ANKRD61: variants seen among roughly 807,000 people sequenced by gnomAD.
The protein encoded by ANKRD61 is ankyrin repeat domain 61, also known as ankyrin repeat domain-containing protein 61.
Under a neutral mutation model 8.4 loss-of-function variants are expected in ANKRD61, and 7 were observed. The ratio of observed to expected loss-of-function variants is 0.84; its 90% CI spans 0.48 to 1.57. The LOEUF is 1.57. Ranked by LOEUF, ANKRD61 falls within the 40% of genes most tolerant of loss-of-function variation. The pLI is 0.00. For synonymous variants in ANKRD61, 198 were observed against 208.0 expected, an observed-to-expected ratio of 0.95 and a Z score of 0.41; for missense variants, 516 against 523.4, an observed-to-expected ratio of 0.99 and a Z score of 0.14.
At position 6,035,787 on chromosome 7, in the gene ANKRD61, C is replaced by T. The variant is rs1465337743; in HGVS notation, c.658C>T (p.Leu220Phe). ...GCTGAATAAGGAGATGATGGAAACG[C>T]TCATTGCCTATGGAGCAAACGTCAA... Reference protein sequence around the residue: ...NMLNKEMMETLIAYGANVNCA... With the variant: ...NMLNKEMMETFIAYGANVNCA... Residue 220 changes from leucine (L) to phenylalanine (F), a missense_variant, in exon 3 of 3, where the codon CTC becomes TTC. Transcript: ENST00000409061. The surrounding 1 kb of genome is among the most constrained non-coding windows in gnomAD (Gnocchi z 5.5). 6.4e-7 allele frequency: 1 copy of T among 1,551,108 alleles called. No individual in the cohort carries two copies. Among genetic ancestry groups the T allele is most frequent in the Non-Finnish European group, 8.7e-7 (1 of 1,147,100 alleles).
intron 1 of ANKRD61, 140 bp downstream of exon 1, chr7:6,031,731 C>T: frequency 1.2e-6 from 1 of 818,598 alleles, no homozygotes; most frequent in South Asian, 1.7e-5. Flanking sequence ...ACACACACTG[C>T]AGTGCTCCCC....
rs1251829339 is a variant in ANKRD61 at position 6,036,147 on chromosome 7, C to T, written c.1018C>T (p.Pro340Ser). 2.6e-6 allele frequency: 4 copies of T among 1,550,196 alleles called. No homozygotes were observed. The highest frequency in any genetic ancestry group is 3.5e-6 in the Non-Finnish European group (4 of 1,146,840). Residue 340 changes from proline to serine, a missense_variant, in exon 3 of 3, where the codon CCT becomes TCT. Transcript: ENST00000409061. The surrounding 1 kb of genome is among the most constrained non-coding windows in gnomAD (Gnocchi z 4.6). ...LLARLLYHTYPLRMTNNQGIL... is the reference protein window; with the variant it reads ...LLARLLYHTYSLRMTNNQGIL... ...GGCCAGGCTACTTTATCACACTTATCCTCTGAGAATGACCAATAACCAAGG... is the reference window on the plus strand; with the variant it reads ...GGCCAGGCTACTTTATCACACTTATTCTCTGAGAATGACCAATAACCAAGG...
intron 2 of ANKRD61, among the ~76,000 whole-genome samples, chr7:6,034,561 T>G (rs1788020781): frequency 6.6e-6 from 1 of 152,152 alleles, no homozygotes; most frequent in South Asian, 2.1e-4. Flanking sequence ...TTCCACTATT[T>G]ACTGAGCTGT....
At chr7:6,031,686 C>A in intron 1 of ANKRD61, 95 bp downstream of exon 1, 1 of 1,278,324 alleles carries the variant, frequency 7.8e-7, no homozygotes, top group Non-Finnish European at 1.1e-6. Flanking sequence ...AGCTCACGGC[C>A]CTTATGAGAA....
chr7:6,036,430 C>A lies in ANKRD61; in HGVS notation c.*44C>A. ...CACAGCAGAGGGACTTTCAGCCACT[C>A]AAACTGCATTTTCTGGCTAGACATG... On this transcript the variant is annotated 3_prime_UTR_variant, in exon 3 of 3. Coordinates refer to ENST00000409061, the MANE Select transcript of ANKRD61 (RefSeq NM_001271700.2). The surrounding 1 kb of genome is among the most constrained non-coding windows in gnomAD (Gnocchi z 4.6). 7.3e-7 allele frequency: 1 copy of A among 1,374,956 alleles called. No individual in the cohort carries two copies. The highest frequency in any genetic ancestry group is 1.6e-5 in the South Asian group (1 of 62,132). 85.2% of individuals were successfully genotyped at this position (1,374,956 alleles called of 1,614,324 possible).
At chr7:6,031,664 G>T in intron 1 of ANKRD61, 73 bp downstream of exon 1, 1 of 1,447,036 alleles carries the variant, frequency 6.9e-7, no homozygotes. Flanking sequence ...TCTAAAGCTG[G>T]TGAACCCACT....
In ANKRD61 at chr7:6,035,708, T is replaced by C. The variant is rs1182834722; in HGVS notation, c.579T>C (p.Asp193=). 1.1e-5 allele frequency: 17 copies of C among 1,550,872 alleles called. No homozygotes were observed. The highest frequency in any genetic ancestry group is 7.3e-5 in the East Asian group (3 of 40,928). Residue 193 remains aspartate, a synonymous_variant, in exon 3 of 3, where the codon GAT becomes GAC. Coordinates refer to ENST00000409061, the MANE Select transcript of ANKRD61 (RefSeq NM_001271700.2). This position sits in a 1 kb window ranked among gnomAD's most constrained non-coding sequence, Gnocchi z 5.5. ...CCATTTTGACCCAAAATGGTGCCGA[T>C]GTCAATGCTATTAATGAAGCCAGCA... ...VLSILTQNGA[D]VNAINEASMT... is the part of the protein sequence containing the mutation.
rs1415567297 is a variant in ANKRD61, at chr7:6,032,901, C to A, written c.279C>A (p.Leu93=). 1.3e-6 allele frequency: 2 copies of A among 1,550,870 alleles called. No individual in the cohort carries two copies. Among genetic ancestry groups the A allele is most frequent in the Non-Finnish European group, 1.7e-6 (2 of 1,147,018 alleles). Residue 93 remains leucine, a synonymous_variant, in exon 2 of 3, where the codon CTC becomes CTA. Coordinates refer to ENST00000409061, the MANE Select transcript of ANKRD61 (RefSeq NM_001271700.2). This position sits in a 1 kb window ranked among gnomAD's most constrained non-coding sequence, Gnocchi z 4.3. The stretch of plus-strand genomic sequence containing the variant: ...AGTACCACAAGGCCCAGAGTCTGCT[C>A]TGCCTGTTACGGCACGGTGCTGACC... ...AAKYHKAQSL[L]CLLRHGADPE...
In ANKRD61 at chr7:6,034,933, C is replaced by G. The variant is rs192852791; in HGVS notation, c.315-511C>G. ...AAAATGTCGGGTAGGAGAGCAGAGA[C>G]AGAGCCTCTAAGAAAGGAGTCAACG... On this transcript the variant is annotated intron_variant, in intron 2 of 2. Coordinates refer to ENST00000409061, the MANE Select transcript of ANKRD61 (RefSeq NM_001271700.2). Among the ~76,000 whole-genome samples the G allele has an allele frequency of 1.1e-3, 160 of 152,252 alleles. 1 individual carries two copies. The highest frequency in any genetic ancestry group is 1.7e-3 in the Non-Finnish European group (119 of 68,024).
Position 6,035,542 on chromosome 7 carries a change from T to C in ANKRD61, c.413T>C (p.Leu138Pro). 6.4e-7 allele frequency: 1 copy of C among 1,551,206 alleles called. No homozygotes were observed. Among genetic ancestry groups the C allele is most frequent in the Non-Finnish European group, 8.7e-7 (1 of 1,147,128 alleles). The change falls in exon 3 of 3, where the codon CTG becomes CCG. Residue 138 changes from leucine (L) to proline (P), a missense_variant. Physicochemically the swap from Leu to Pro is moderately conservative, Grantham distance 98 (BLOSUM62 -3). Transcript: ENST00000409061. The surrounding 1 kb of genome is among the most constrained non-coding windows in gnomAD (Gnocchi z 5.5). ...CCAGGCAACAGAACGCACAGGATCC[T>C]GACAGACATTCAGAATAGCAGCATC... ...AKPGNRTHRI[L>P]TDIQNSSITC...
Position 6,035,798 on chromosome 7 carries a change from T to G in ANKRD61, c.669T>G (p.Tyr223Ter). ...NKEMMETLIAYGANVNCAVSS... is the reference protein window; with the variant it reads ...NKEMMETLIA ...AGATGATGGAAACGCTCATTGCCTA[T>G]GGAGCAAACGTCAACTGTGCTGTCT... Residue 223 changes from tyrosine to a stop codon, truncating the protein, a stop_gained, in exon 3 of 3, where the codon TAT becomes TAG. Coordinates refer to ENST00000409061, the MANE Select transcript of ANKRD61 (RefSeq NM_001271700.2). LOFTEE classifies it low-confidence loss of function (END_TRUNC). The surrounding 1 kb of genome is among the most constrained non-coding windows in gnomAD (Gnocchi z 5.5). 1 of 1,550,982 alleles carries G rather than the reference T, an allele frequency of 6.4e-7. No homozygotes were observed. Among genetic ancestry groups the G allele is most frequent in the South Asian group, 1.2e-5 (1 of 84,038 alleles).
Position 6,032,767 on chromosome 7 carries a change from C to A in ANKRD61, c.217-72C>A. ...CTAAATAAATGTATTGCCTTTGAAA[C>A]GGCAAGCTAACACAAACAGTATTTT... On this transcript the variant is annotated intron_variant, in intron 1 of 2. Transcript: ENST00000409061. This position sits in a 1 kb window ranked among gnomAD's most constrained non-coding sequence, Gnocchi z 4.3. 2 of 1,278,554 alleles carry A rather than the reference C, an allele frequency of 1.6e-6. No homozygotes were observed. Among genetic ancestry groups the A allele is most frequent in the South Asian group, 2.6e-5 (2 of 75,698 alleles). The allele number at this position is 1,278,554 out of a possible 1,614,324, so 79.2% of individuals were successfully genotyped here.
At position 6,032,776 on chromosome 7, in the gene ANKRD61, A is replaced by G. The variant is rs1049134033; in HGVS notation, c.217-63A>G. 4 of 1,369,552 alleles carry G rather than the reference A, an allele frequency of 2.9e-6. No homozygotes were observed. Among genetic ancestry groups the G allele is most frequent in the Non-Finnish European group, 4.1e-6 (4 of 987,370 alleles). The allele number at this position is 1,369,552 out of a possible 1,614,324, so 84.8% of individuals were successfully genotyped here. ...TGTATTGCCTTTGAAACGGCAAGCTAACACAAACAGTATTTTTAACTACAC... is the reference window on the plus strand; with the variant it reads ...TGTATTGCCTTTGAAACGGCAAGCTGACACAAACAGTATTTTTAACTACAC... On this transcript the variant is annotated intron_variant, in intron 1 of 2. Transcript: ENST00000409061. This position sits in a 1 kb window ranked among gnomAD's most constrained non-coding sequence, Gnocchi z 4.3.
In ANKRD61 at chr7:6,033,728, C is replaced by T. The variant is rs1159287020; in HGVS notation, c.314+792C>T. On this transcript the variant is annotated intron_variant, in intron 2 of 2. Transcript: ENST00000409061. This position sits in a 1 kb window ranked among gnomAD's most constrained non-coding sequence, Gnocchi z 4.4. ...GGGACTACAGGCGCCTGCCACCACG[C>T]CTGGCTAATTTTTTGTATTTTTAGT... is the stretch of plus-strand genomic sequence containing the variant. Among the ~76,000 whole-genome samples, 2 of 152,018 alleles carry T rather than the reference C, an allele frequency of 1.3e-5. No homozygotes were observed. Among genetic ancestry groups the T allele is most frequent in the Non-Finnish European group, 2.9e-5 (2 of 68,006 alleles).
rs544541228 is a variant in ANKRD61, at chr7:6,035,864, T to C, written c.735T>C (p.Thr245=). 1.3e-5 allele frequency: 20 copies of C among 1,547,716 alleles called. No homozygotes were observed. The highest frequency in any genetic ancestry group is 6.1e-6 in the Non-Finnish European group (7 of 1,145,004). Residue 245 remains threonine (T), a synonymous_variant, in exon 3 of 3, where the codon ACT becomes ACC. Coordinates refer to ENST00000409061, the MANE Select transcript of ANKRD61 (RefSeq NM_001271700.2). This position sits in a 1 kb window ranked among gnomAD's most constrained non-coding sequence, Gnocchi z 5.5. ...CGCCCCTGAAGCTTGCAGTGTGCAC[T>C]GCATCAAGCAAAGCAGGCCGACTCC... ...GNTPLKLAVC[T]ASSKAGRLLG...
At position 6,031,498 on chromosome 7, in the gene ANKRD61, C is replaced by A; in HGVS notation, c.123C>A (p.Cys41Ter). The change falls in exon 1 of 3, where the codon TGC (cysteine) becomes TGA (stop). Residue 41 changes from cysteine to a stop codon, truncating the protein, a stop_gained. Coordinates refer to ENST00000409061, the MANE Select transcript of ANKRD61 (RefSeq NM_001271700.2). LOFTEE classifies it high-confidence loss of function. ...ATGAAGCCATCATGAGAGAAGACTG[C>A]ACTACGATCGAGGTACTCCTGAGAA... ...KLYEAIMRED[C>*]TTIEVLLRNH... 1.3e-6 allele frequency: 2 copies of A among 1,550,726 alleles called. No individual in the cohort carries two copies. Among genetic ancestry groups the A allele is most frequent in the South Asian group, 1.2e-5 (1 of 84,066 alleles).
intron 1 of ANKRD61, 30 bp downstream of exon 1, chr7:6,031,621 G>GA: frequency 1.3e-6 from 2 of 1,537,068 alleles, no homozygotes; most frequent in Non-Finnish European, 1.8e-6. Context: ...GTCACTTCTG[G>GA]AAAAAAGTCA....
At chr7:6,034,045 C>G (rs866058445) in intron 2 of ANKRD61, among the ~76,000 whole-genome samples, 1 of 151,010 alleles carries the variant, frequency 6.6e-6, no homozygotes, top group African/African-American at 2.4e-5. Flanking sequence ...AGGCCGGGCG[C>G]GGTGGCTCAC....
At position 6,031,577 on chromosome 7, in the gene ANKRD61, T is replaced by C. The variant is rs775394724; in HGVS notation, c.202T>C (p.Leu68=). The C allele has an allele frequency of 6.4e-7, 1 of 1,550,722 alleles. No homozygotes were observed. The highest frequency in any genetic ancestry group is 1.2e-5 in the South Asian group (1 of 84,060). ...TILPNSASNR[L]LLTQPTESII... is the part of the protein sequence containing the mutation. ...TCTGCCCAACTCCGCCAGCAACAGA[T>C]TACTTCTGACCCAGGTACCCTCTTT... The change falls in exon 1 of 3, where the codon TTA becomes CTA. Residue 68 remains leucine, a synonymous_variant. Coordinates refer to ENST00000409061, the MANE Select transcript of ANKRD61 (RefSeq NM_001271700.2).
Sources: gnomAD v4.1 joint callset for allele counts (sites outside exome capture counted in the v4.1 genomes callset) on GRCh38, gnomAD v4.1.1 for gene constraint, Gnocchi (gnomAD v3.1) non-coding constraint, MANE v1.5 for transcripts, NCBI Gene and HGNC (gene_info 2026-07-23, HGNC 2026-07-21) for gene names.